KIR3DL1: variants seen among roughly 807,000 people sequenced by gnomAD.
KIR3DL1 encodes killer cell immunoglobulin like receptor, three Ig domains and long cytoplasmic tail 1, also known as killer cell immunoglobulin-like receptor 3DL1.
In KIR3DL1, 50 loss-of-function variants were observed where a neutral mutation model predicts 40.3. The observed-to-expected ratio is 1.24, with a 90% CI of 0.99 to 1.57. KIR3DL1 has a LOEUF of 1.57. KIR3DL1 is among the 40% of genes most tolerant of loss of function. The pLI, the probability that KIR3DL1 is intolerant of heterozygous loss-of-function variation, is 0.00. For synonymous variants in KIR3DL1, 257 were observed against 207.2 expected, an observed-to-expected ratio of 1.24 and a Z score of -2.07; for missense variants, 661 against 559.9, an observed-to-expected ratio of 1.18 and a Z score of -1.82.
intron 6 of KIR3DL1, among the ~76,000 whole-genome samples, chr19:54,827,061 C>T (rs1173584098): frequency 6.6e-6 from 1 of 151,554 alleles, no homozygotes; most frequent in Non-Finnish European, 1.5e-5. Context: ...ATTGCCGCCC[C>T]ACTGGTGAAA....
chr19:54,821,421 G>A (rs1569446766), intron 4 of KIR3DL1, 144 bp from the exon 5 acceptor site: 9 of 1,105,320 alleles, frequency 8.1e-6, no homozygotes, highest in Non-Finnish European at 1.1e-5. Flanking sequence ...GGAGGAAACA[G>A]ATATGAAGAG....
At chr19:54,829,784 A>G in intron 7 of KIR3DL1, 144 bp from the exon 8 acceptor site, 1 of 777,034 alleles carries the variant, frequency 1.3e-6, no homozygotes, top group Non-Finnish European at 2.0e-6. Flanking sequence ...CCTTGAGCTC[A>G]GAGAGATAGA....
At chr19:54,819,986 G>C (rs746277153) in exon 4 of KIR3DL1, 1 of 1,611,094 alleles carries the variant, frequency 6.2e-7, no homozygotes, top group East Asian at 2.2e-5. Context: ...TCAGCTCCCA[G>C]TGATCCCCTG....
At position 54,821,300 on chromosome 19, in the gene KIR3DL1, A is replaced by C. The variant is rs752069269; in HGVS notation, c.656-265A>C. ...TCAAAATTAAAGAAAAAGGAAGATC[A>C]AGTCAACCAATCCAAGGAGGGTCAG... On this transcript the variant is annotated intron_variant, in intron 4 of 8. Transcript: ENST00000391728. 9.5e-4 allele frequency among the ~76,000 whole-genome samples: 144 copies of C among 151,076 alleles called. 2 individuals carry two copies. Among genetic ancestry groups the C allele is most frequent in the Non-Finnish European group, 1.1e-3 (78 of 67,878 alleles).
At chr19:54,826,047 A>G (rs1368839433) in intron 6 of KIR3DL1, among the ~76,000 whole-genome samples, 13 of 151,228 alleles carry the variant, frequency 8.6e-5, no homozygotes, top group African/African-American at 2.5e-4. Context: ...TCAGCTGACT[A>G]GCAACCGTAA....
exon 9 of KIR3DL1, chr19:54,830,413 C>G (rs2062166207): frequency 9.5e-7 from 1 of 1,057,196 alleles, no homozygotes; most frequent in Non-Finnish European, 1.4e-6. Flanking sequence ...CCTCCTCACG[C>G]CACAAATCTG....
intron 6 of KIR3DL1, among the ~76,000 whole-genome samples, chr19:54,825,860 A>G (rs35667877): frequency 0.27 from 38,866 of 143,982 alleles, 5,292 homozygotes; most frequent in Non-Finnish European, 0.32. Context: ...GCCCACAAAG[A>G]CTGGTCACAT....
intron 5 of KIR3DL1, among the ~76,000 whole-genome samples, chr19:54,824,059 C>G (rs4806571): frequency 0.045 from 6,773 of 150,688 alleles, 338 homozygotes; most frequent in East Asian, 0.094. Context: ...TCTTCACTTT[C>G]TTGGTTTATC....
At chr19:54,821,496 C>T in intron 4 of KIR3DL1, 69 bp from the exon 5 acceptor site, 1 of 1,517,364 alleles carries the variant, frequency 6.6e-7, no homozygotes, top group Admixed American at 2.0e-5. Context: ...AGTGAGTTCT[C>T]AGCTCAGGTA....
At position 54,821,912 on chromosome 19, in the gene KIR3DL1, G is replaced by A. The variant is rs969163266; in HGVS notation, c.949+54G>A. 136 of 1,550,454 alleles carry A rather than the reference G, an allele frequency of 8.8e-5. 4 individuals are homozygous for A. In the African/African-American group the frequency reaches 1.7e-3, roughly 20 times the overall value. On this transcript the variant is annotated intron_variant, in intron 5 of 8. Transcript: ENST00000391728. ...CCTATGATCCTAAATCCTTAGCTAA[G>A]GAGCTTCCTGCTGATGATGGAGAAA...
At chr19:54,826,974 A>C (rs1833642812) in intron 6 of KIR3DL1, among the ~76,000 whole-genome samples, 1 of 147,522 alleles carries the variant, frequency 6.8e-6, no homozygotes, top group Admixed American at 6.7e-5. Flanking sequence ...GAATCCCTAC[A>C]TGATTAATAG....
chr19:54,828,185 G>A (rs1461091617), intron 6 of KIR3DL1, among the ~76,000 whole-genome samples: 2 of 150,888 alleles, frequency 1.3e-5, no homozygotes, highest in African/African-American at 2.5e-5. Context: ...CTATTTTCTG[G>A]CTGTTTGACA....
At position 54,819,700 on chromosome 19, in the gene KIR3DL1, C is replaced by G. The variant is rs1231873703; in HGVS notation, c.356-13C>G. The G allele has an allele frequency of 2.5e-6, 4 of 1,604,914 alleles. No homozygotes were observed. In the African/African-American group the frequency reaches 5.4e-5, roughly 22 times the overall value. ...AGAGAGATGCCTTCTAAACTCACAA[C>G]TTCTCTTTCTAGGAAACCACAGAAA... On this transcript the variant is annotated splice_polypyrimidine_tract_variant and intron_variant, in intron 3 of 8. Transcript: ENST00000391728.
intron 5 of KIR3DL1, among the ~76,000 whole-genome samples, chr19:54,824,150 T>G (rs1377330952): frequency 6.6e-6 from 1 of 151,738 alleles, no homozygotes; most frequent in Non-Finnish European, 1.5e-5. Context: ...TTTGAAGGTT[T>G]TAAACAAAAT....
intron 6 of KIR3DL1, among the ~76,000 whole-genome samples, chr19:54,828,924 G>C (rs1374370353): frequency 7.1e-6 from 1 of 141,476 alleles, no homozygotes; most frequent in East Asian, 2.1e-4. Context: ...GAGATCACAC[G>C]GCAAGAGAGG....
intron 6 of KIR3DL1, among the ~76,000 whole-genome samples, chr19:54,825,522 G>A (rs1259573146): frequency 1.3e-5 from 2 of 150,148 alleles, no homozygotes; most frequent in African/African-American, 2.5e-5. Context: ...GAGCCTTGCC[G>A]TAACAGAGAA....
intron 6 of KIR3DL1, among the ~76,000 whole-genome samples, chr19:54,827,609 C>T (rs1381959226): frequency 3.3e-5 from 5 of 150,232 alleles, no homozygotes; most frequent in African/African-American, 1.0e-4. Context: ...AAGGAGACTC[C>T]ATCTCAAAAA....
rs777739780 is a variant in KIR3DL1, at chr19:54,825,993, A to T, written c.1000+915A>T. Among the ~76,000 whole-genome samples the T allele has an allele frequency of 2.2e-4, 31 of 144,142 alleles. 4 individuals are homozygous for T. Among genetic ancestry groups the T allele is most frequent in the African/African-American group, 8.1e-4 (31 of 38,062 alleles). The allele number at this position is 144,142 out of a possible 152,430, so 94.6% of individuals were successfully genotyped here. A position where few individuals can be genotyped will look rare whatever the true frequency, so the allele number is the denominator to read the frequency against. On this transcript the variant is annotated intron_variant, in intron 6 of 8. Coordinates refer to ENST00000391728, the Ensembl canonical transcript of KIR3DL1. ...ATTGGGTTCACCAAGATGAAAATCC[A>T]TCATAATCTCCCGGAAATCATTCAG...
At chr19:54,819,598 A>T in intron 3 of KIR3DL1, 115 bp from the exon 4 acceptor site, 2 of 1,255,362 alleles carry the variant, frequency 1.6e-6, no homozygotes, top group Non-Finnish European at 2.2e-6. Flanking sequence ...AGACACGGAG[A>T]TGCAGAGAGG....
Sources: gnomAD v4.1 joint callset for allele counts (sites outside exome capture counted in the v4.1 genomes callset) on GRCh38, gnomAD v4.1.1 for gene constraint, MANE v1.5 for transcripts, NCBI Gene and HGNC (gene_info 2026-07-23, HGNC 2026-07-21) for gene names.